Variants in CADM2 observed in about 807,000 individuals in gnomAD.
CADM2 encodes immunoglobulin superfamily member 4D.
CADM2 carries 12 observed loss-of-function variants against 49.8 expected under a neutral mutation model. That is an observed-to-expected ratio of 0.24 (90% CI 0.15 to 0.39). The LOEUF (loss-of-function observed/expected upper bound fraction) is 0.39. Among genes scored for constraint, CADM2 ranks in the 10% least tolerant of loss-of-function variants. CADM2 has a pLI of 1.00. For synonymous variants in CADM2, 214 were observed against 175.4 expected (o/e 1.22, Z -1.74); for missense variants, 378 against 492.3 (o/e 0.77, Z 2.20).
chr3:85,963,514 T>G (rs1235897430), intron 8 of CADM2, among the ~76,000 whole-genome samples: 1 of 151,890 alleles, frequency 6.6e-6, no homozygotes, highest in African/African-American at 2.4e-5. Flanking sequence ...GTCTATCTGA[T>G]TCACCTTAAT....
intron 1 of CADM2, among the ~76,000 whole-genome samples, chr3:85,234,827 T>C (rs1194359524): frequency 6.6e-6 from 1 of 152,136 alleles, no homozygotes; most frequent in Non-Finnish European, 1.5e-5. Context: ...AACACCCTGT[T>C]AACTCCATGG....
At chr3:85,521,052 TA>T (rs1183314511) in intron 1 of CADM2, among the ~76,000 whole-genome samples, 1 of 152,148 alleles carries the variant, frequency 6.6e-6, no homozygotes, top group South Asian at 2.1e-4. Flanking sequence ...ATTTCCTATG[TA>T]AACTCATAAA....
chr3:85,777,966 T>C (rs992454445), intron 2 of CADM2, among the ~76,000 whole-genome samples: 2 of 152,152 alleles, frequency 1.3e-5, no homozygotes, highest in Non-Finnish European at 2.9e-5. Flanking sequence ...ACGTAGGTGT[T>C]ATATTGTCTT....
chr3:86,054,479 T>C (rs1737689436), intron 8 of CADM2, among the ~76,000 whole-genome samples: 1 of 152,102 alleles, frequency 6.6e-6, no homozygotes, highest in African/African-American at 2.4e-5. Context: ...TTCTAACAGG[T>C]GATGATTCTA....
Position 84,983,832 on chromosome 3 carries a change from A to G in CADM2, c.61+24164A>G, listed in dbSNP as rs116319479. Among the ~76,000 whole-genome samples, 677 of 152,232 alleles carry G rather than the reference A, an allele frequency of 4.4e-3. 7 individuals are homozygous for G. The highest frequency in any genetic ancestry group is 0.015 in the African/African-American group (639 of 41,538). On this transcript the variant is annotated intron_variant, in intron 1 of 9. Coordinates refer to ENST00000383699, the MANE Select transcript of CADM2 (RefSeq NM_001167675.2). ...TTCATTCTTGGAATTTCAATACACA[A>G]CACAAGTGGGGCTTTAAATAATATA... is the stretch of plus-strand genomic sequence containing the variant.
intron 1 of CADM2, among the ~76,000 whole-genome samples, chr3:85,210,151 C>T (rs1251459635): frequency 6.6e-6 from 1 of 152,116 alleles, no homozygotes; most frequent in Admixed American, 6.6e-5. Flanking sequence ...GAGGTATGTT[C>T]CTACTAGTCC....
At chr3:85,167,471 A>G (rs977081987) in intron 1 of CADM2, among the ~76,000 whole-genome samples, 1 of 152,140 alleles carries the variant, frequency 6.6e-6, no homozygotes, top group African/African-American at 2.4e-5. Context: ...AAAGCAGGAA[A>G]CATTTGAAAG....
At chr3:85,199,600 C>A (rs1171192806) in intron 1 of CADM2, among the ~76,000 whole-genome samples, 1 of 151,520 alleles carries the variant, frequency 6.6e-6, no homozygotes, top group African/African-American at 2.4e-5. Flanking sequence ...TGAATGCAGG[C>A]AAATTGAATT....
intron 8 of CADM2, among the ~76,000 whole-genome samples, 191 bp from the exon 9 acceptor site, chr3:86,065,414 G>T (rs552489427): frequency 1.3e-5 from 2 of 152,274 alleles, no homozygotes; most frequent in East Asian, 3.9e-4. Flanking sequence ...AATAGTGATT[G>T]ATATATCAAA....
At chr3:85,756,645 C>T (rs145136892) in intron 2 of CADM2, among the ~76,000 whole-genome samples, 4 of 152,070 alleles carry the variant, frequency 2.6e-5, no homozygotes, top group South Asian at 2.1e-4. Flanking sequence ...TATGTAAATA[C>T]CATATTAAAT....
At chr3:85,963,581 G>A (rs1725107094) in intron 8 of CADM2, among the ~76,000 whole-genome samples, 1 of 151,898 alleles carries the variant, frequency 6.6e-6, no homozygotes, top group Admixed American at 6.6e-5. Flanking sequence ...ATGTTGTATA[G>A]CATGTCACAT....
In CADM2 at chr3:85,359,666, A is replaced by ATATATATATATTT; in HGVS notation, c.62-366855_62-366854insATATATATATTTT. The stretch of plus-strand genomic sequence containing the variant: ...TATATATATATATATATATATATAT[A>ATATATATATATTT]TTTTTTTTTTTGGTGGAGGGGAGAA... On this transcript the variant is annotated intron_variant, in intron 1 of 9. Coordinates refer to ENST00000383699, the MANE Select transcript of CADM2 (RefSeq NM_001167675.2). 6.8e-4 allele frequency among the ~76,000 whole-genome samples: 18 copies of ATATATATATATTT among 26,552 alleles called. 1 individual carries two copies. The highest frequency in any genetic ancestry group is 1.4e-3 in the South Asian group (1 of 706). 17.4% of individuals were successfully genotyped at this position (26,552 alleles called of 152,430 possible). A position where few individuals can be genotyped will look rare whatever the true frequency, so the allele number is the denominator to read the frequency against.
At chr3:85,433,025 C>A (rs1024558166) in intron 1 of CADM2, among the ~76,000 whole-genome samples, 1 of 152,078 alleles carries the variant, frequency 6.6e-6, no homozygotes, top group South Asian at 2.1e-4. Context: ...ATTTGTGGTA[C>A]ATTTCATGCT....
rs1007361301 is a variant in CADM2 at position 85,888,596 on chromosome 3, ATCTG to A, written c.529+2273_529+2276del. Reference sequence around the variant, plus strand: ...TTTATCTCTACACTTGCATCTATCTATCTGTCTATCTATGTATCTATGTATCTAT... The same window carrying A: ...TTTATCTCTACACTTGCATCTATCTATCTATCTATGTATCTATGTATCTAT... On this transcript the variant is annotated intron_variant, in intron 5 of 9. Transcript: ENST00000383699. Among the ~76,000 whole-genome samples the A allele has an allele frequency of 6.6e-5, 10 of 152,236 alleles. No homozygotes were observed. In the South Asian group the frequency reaches 1.0e-3, roughly 16 times the overall value.
At chr3:85,819,254 G>A (rs1288291173) in intron 3 of CADM2, among the ~76,000 whole-genome samples, 1 of 152,042 alleles carries the variant, frequency 6.6e-6, no homozygotes, top group African/African-American at 2.4e-5. Flanking sequence ...TGCTGGCAGC[G>A]GATTGGATGG....
chr3:85,890,419 G>A (rs1229244516), intron 5 of CADM2, among the ~76,000 whole-genome samples: 1 of 152,122 alleles, frequency 6.6e-6, no homozygotes, highest in Admixed American at 6.6e-5. Flanking sequence ...GTCTCAGATA[G>A]GCAGAGGGAT....
chr3:86,027,242 A>G (rs940291612), intron 8 of CADM2, among the ~76,000 whole-genome samples: 1 of 152,002 alleles, frequency 6.6e-6, no homozygotes, highest in African/African-American at 2.4e-5. Flanking sequence ...ATGCTCTTAG[A>G]TTTTCTTGGA....
chr3:85,836,822 G>A (rs1473368289), intron 3 of CADM2, among the ~76,000 whole-genome samples: 7 of 151,536 alleles, frequency 4.6e-5, no homozygotes. Flanking sequence ...TAAAGATTTT[G>A]ATACGAGCAA....
intron 1 of CADM2, among the ~76,000 whole-genome samples, chr3:85,314,851 C>A (rs1488842027): frequency 6.6e-6 from 1 of 152,062 alleles, no homozygotes; most frequent in Non-Finnish European, 1.5e-5. Context: ...ATTCATTTTT[C>A]TAGTTATGAT....
Sources: allele counts gnomAD v4.1 joint callset (sites outside exome capture counted in the v4.1 genomes callset), GRCh38; gene constraint gnomAD v4.1.1; transcripts MANE v1.5; gene names NCBI Gene and HGNC (gene_info 2026-07-23, HGNC 2026-07-21).